The following DMAC2L variants were observed in gnomAD, a reference collection of about 807,000 sequenced individuals.
DMAC2L encodes ATP synthase subunit s, mitochondrial.
DMAC2L carries 21 observed loss-of-function variants against 22.5 expected under a neutral mutation model. The observed-to-expected ratio is 0.93, with a 90% confidence interval of 0.66 to 1.34. DMAC2L has a LOEUF of 1.34. Ranked by LOEUF, DMAC2L falls within the 40% of genes most tolerant of loss-of-function variation. The pLI, the probability that DMAC2L is intolerant of heterozygous loss-of-function variation, is 0.00. For missense variants in DMAC2L, 239 were observed against 246.5 expected, an observed-to-expected ratio of 0.97 and a Z score of 0.20; for synonymous variants, 86 against 89.5, an observed-to-expected ratio of 0.96 and a Z score of 0.22.
At chr14:50,313,766 A>G (rs2031490490) in intron 1 of DMAC2L, among the ~76,000 whole-genome samples, 1 of 152,160 alleles carries the variant, frequency 6.6e-6, no homozygotes. Context: ...TTCTCTGTGT[A>G]TATTTAGTTC....
rs895385155 is a variant in DMAC2L, at chr14:50,325,921, A to G, written c.*198A>G. 1 of 1,222,288 alleles carries G rather than the reference A, an allele frequency of 8.2e-7. No homozygotes were observed. The highest frequency in any genetic ancestry group is 1.0e-6 in the Non-Finnish European group (1 of 974,958). 75.7% of individuals were successfully genotyped at this position (1,222,288 alleles called of 1,614,324 possible). On this transcript the variant is annotated 3_prime_UTR_variant, in exon 6 of 6. Transcript: ENST00000557421. Reference sequence around the variant, plus strand: ...ACTAAGTTGGAAGTGAGAATTTATGAACATTAATTCATTTTAAGAAAAGTG... The same window carrying G: ...ACTAAGTTGGAAGTGAGAATTTATGGACATTAATTCATTTTAAGAAAAGTG...
chr14:50,321,223 T>TC, intron 2 of DMAC2L: 1 of 331,964 alleles, frequency 3.0e-6, no homozygotes, highest in Non-Finnish European at 4.9e-6. Flanking sequence ...ACAGGCAGAC[T>TC]CCAATTGAGG....
intron 2 of DMAC2L, chr14:50,319,389 T>C (rs2032080479): frequency 6.6e-7 from 1 of 1,507,908 alleles, no homozygotes; most frequent in African/African-American, 1.4e-5. Flanking sequence ...GGTGTTTCCC[T>C]CTCAGGCATC....
chr14:50,327,904 CA>C lies in DMAC2L; in HGVS notation c.*2182del, dbSNP rs1176679518. On this transcript the variant is annotated 3_prime_UTR_variant, in exon 6 of 6. Coordinates refer to ENST00000557421, the MANE Select transcript of DMAC2L (RefSeq NM_001382507.1). Reference sequence around the variant, plus strand: ...CAGTATAAATGGTAATTGCCACTGTCATTTTAAAAATCAGAAAATAGTAAAT... The same window carrying C: ...CAGTATAAATGGTAATTGCCACTGTCTTTTAAAAATCAGAAAATAGTAAAT... The C allele has an allele frequency of 1.3e-5, 2 of 152,134 alleles. No homozygotes were observed. Among genetic ancestry groups the C allele is most frequent in the Non-Finnish European group, 2.9e-5 (2 of 68,038 alleles). The allele number at this position is 152,134 out of a possible 1,614,324, so 9.4% of individuals were successfully genotyped here.
intron 1 of DMAC2L, among the ~76,000 whole-genome samples, chr14:50,313,740 T>C (rs1036261473): frequency 6.6e-6 from 1 of 152,220 alleles, no homozygotes; most frequent in Non-Finnish European, 1.5e-5. Context: ...TTCAGATTCC[T>C]CATTTTGTAT....
intron 2 of DMAC2L, among the ~76,000 whole-genome samples, chr14:50,315,642 CAG>C (rs1382872180): frequency 9.5e-6 from 1 of 104,974 alleles, no homozygotes; most frequent in Middle Eastern, 0.012. Flanking sequence ...AGCCTGGCGA[CAG>C]AGCAAGATTC....
At chr14:50,313,355 T>A (rs1398427877) in intron 1 of DMAC2L, among the ~76,000 whole-genome samples, 1 of 152,148 alleles carries the variant, frequency 6.6e-6, no homozygotes, top group African/African-American at 2.4e-5. Context: ...CTCAGTGAAC[T>A]AGGAATGATA....
intron 1 of DMAC2L, 82 bp from the exon 2 acceptor site, chr14:50,314,509 T>C (rs1315827840): frequency 4.4e-6 from 2 of 455,584 alleles, no homozygotes; most frequent in Non-Finnish European, 8.8e-6. Flanking sequence ...TTGAGTTGTT[T>C]CTAGTTTTTA....
At chr14:50,314,428 G>C (rs909721792) in intron 1 of DMAC2L, among the ~76,000 whole-genome samples, 163 bp from the exon 2 acceptor site, 1 of 152,158 alleles carries the variant, frequency 6.6e-6, no homozygotes, top group Non-Finnish European at 1.5e-5. Flanking sequence ...TCGGTCTCGG[G>C]TATGTCTTTA....
chr14:50,311,786 GC>G (rs2031214644), upstream of DMAC2L, among the ~76,000 whole-genome samples: 1 of 152,196 alleles, frequency 6.6e-6, no homozygotes, highest in Non-Finnish European at 1.5e-5. Flanking sequence ...CAAAGCCAGA[GC>G]TACTCCCGAC....
chr14:50,320,499 C>T (rs535024185), intron 2 of DMAC2L, among the ~76,000 whole-genome samples: 62 of 152,330 alleles, frequency 4.1e-4, no homozygotes, highest in African/African-American at 1.5e-3. Flanking sequence ...CTTCTCATGA[C>T]TCACATGTGC....
At chr14:50,316,985 G>A (rs1025139645) in intron 2 of DMAC2L, among the ~76,000 whole-genome samples, 1 of 152,118 alleles carries the variant, frequency 6.6e-6, no homozygotes, top group African/African-American at 2.4e-5. Flanking sequence ...TCCAGAATCT[G>A]CAATGAACTT....
At chr14:50,319,344 G>C in intron 2 of DMAC2L, 1 of 1,535,850 alleles carries the variant, frequency 6.5e-7, no homozygotes, top group Non-Finnish European at 8.7e-7. Flanking sequence ...ACTGTTCCAC[G>C]GCCTCAGCAT....
At chr14:50,312,184 A>G (rs770812094), upstream of DMAC2L, 3 of 1,606,210 alleles carry the variant, frequency 1.9e-6, no homozygotes, top group Admixed American at 1.7e-5. Context: ...CAGCGCTCAG[A>G]AGAAGCCACT....
At chr14:50,311,854 G>C (rs1224847068), upstream of DMAC2L, among the ~76,000 whole-genome samples, 1 of 152,222 alleles carries the variant, frequency 6.6e-6, no homozygotes, top group Admixed American at 6.5e-5. Flanking sequence ...TGAACCTGCA[G>C]GTTGGTAGCT....
chr14:50,322,746 G>A, intron 4 of DMAC2L, 27 bp downstream of exon 4: 1 of 1,613,850 alleles, frequency 6.2e-7, no homozygotes, highest in Non-Finnish European at 8.5e-7. Flanking sequence ...TTTGCTAATA[G>A]AAAATGCAGA....
chr14:50,326,437 T>G lies in DMAC2L; in HGVS notation c.*714T>G. 1 of 983,696 alleles carries G rather than the reference T, an allele frequency of 1.0e-6. No homozygotes were observed. The highest frequency in any genetic ancestry group is 1.2e-6 in the Non-Finnish European group (1 of 828,402). 60.9% of individuals were successfully genotyped at this position (983,696 alleles called of 1,614,324 possible). On this transcript the variant is annotated 3_prime_UTR_variant, in exon 6 of 6. Coordinates refer to ENST00000557421, the MANE Select transcript of DMAC2L (RefSeq NM_001382507.1). ...CCATAAATGCACAATTATGAAAAAT[T>G]AGAAGCTAAATTACAGATTCATTGA...
In DMAC2L at chr14:50,323,387, C is replaced by A. The variant is rs554528889; in HGVS notation, c.317-558C>A. Reference sequence around the variant, plus strand: ...TACAGGTGTGAGCCACTGCACCCGGCCTCTTTTTTTTTTTTTTTTTTTTTG... The same window carrying A: ...TACAGGTGTGAGCCACTGCACCCGGACTCTTTTTTTTTTTTTTTTTTTTTG... On this transcript the variant is annotated intron_variant, in intron 4 of 5. Transcript: ENST00000557421. Among the ~76,000 whole-genome samples, 338 of 127,164 alleles carry A rather than the reference C, an allele frequency of 2.7e-3. 1 individual carries two copies. In the Middle Eastern group the frequency reaches 0.031, roughly 12 times the overall value. 83.4% of individuals were successfully genotyped at this position (127,164 alleles called of 152,430 possible).
At chr14:50,312,428 G>C in intron 1 of DMAC2L, 39 bp downstream of exon 1, 1 of 535,480 alleles carries the variant, frequency 1.9e-6, no homozygotes, top group Non-Finnish European at 3.4e-6. Context: ...GGCGGGACTA[G>C]GGTGGTGGTT....
Sources: allele counts gnomAD v4.1 joint callset (sites outside exome capture counted in the v4.1 genomes callset), GRCh38; gene constraint gnomAD v4.1.1; transcripts MANE v1.5; gene names NCBI Gene and HGNC (gene_info 2026-07-23, HGNC 2026-07-21).